DIP2C: variants seen among roughly 807,000 people sequenced by gnomAD.
DIP2C encodes disco-interacting protein 2 homolog C.
Under a neutral mutation model 192.4 loss-of-function variants are expected in DIP2C, and 33 were observed. The ratio of observed to expected loss-of-function variants is 0.17; its 90% CI spans 0.13 to 0.23. The LOEUF is 0.23. Ranked by LOEUF, DIP2C falls within the 10% of genes least tolerant of loss-of-function variation. DIP2C has a pLI of 1.00. For synonymous variants in DIP2C, 979 were observed against 864.1 expected (o/e 1.13, Z -2.33); for missense variants, 1,537 against 2,110.1 (o/e 0.73, Z 5.32).
chr10:420,684 G>A (rs974260229), intron 5 of DIP2C, among the ~76,000 whole-genome samples: 2 of 152,228 alleles, frequency 1.3e-5, no homozygotes, highest in African/African-American at 4.8e-5. Context: ...TAAGATACAT[G>A]TGAGATGTCC....
chr10:387,751 G>C lies in DIP2C; in HGVS notation c.1656C>G (p.Ile552Met). ...CCGGGGGGACCTCACTTACTGTCAG[G>C]ATGCCATGCCAGAGCCCGACGTCCT... is the stretch of plus-strand genomic sequence containing the variant. The part of the protein sequence containing the change: ...FKKDVGLWHG[I>M]LTSVMNMMHV... The change falls in exon 14 of 37, where the codon ATC (isoleucine) becomes ATG (methionine). Residue 552 changes from isoleucine to methionine, a missense_variant. Ile to Met is a conservative substitution (Grantham distance 10). Transcript: ENST00000280886. The C allele has an allele frequency of 6.2e-7, 1 of 1,614,196 alleles. No homozygotes were observed. The highest frequency in any genetic ancestry group is 1.1e-5 in the South Asian group (1 of 91,074).
chr10:394,201 A>G (rs1480429048), intron 10 of DIP2C, among the ~76,000 whole-genome samples: 3 of 152,280 alleles, frequency 2.0e-5, no homozygotes. Context: ...GAGCAGGCAG[A>G]GCCGGCACAC....
chr10:346,967 G>A (rs373557304), intron 26 of DIP2C, among the ~76,000 whole-genome samples: 8 of 50 alleles, frequency 0.16, 4 homozygotes, highest in Non-Finnish European at 1. Context: ...CACATCGCGC[G>A]TAGTTCTCCC....
chr10:573,689 C>T (rs931085970), intron 1 of DIP2C, among the ~76,000 whole-genome samples: 14 of 151,262 alleles, frequency 9.3e-5, no homozygotes, highest in African/African-American at 3.2e-4. Flanking sequence ...GGATTACAGG[C>T]ATGAGCCATC....
At chr10:377,139 CAG>C (rs1187800640) in intron 17 of DIP2C, among the ~76,000 whole-genome samples, 3 of 124,944 alleles carry the variant, frequency 2.4e-5, no homozygotes, top group Admixed American at 8.5e-5. Flanking sequence ...CTGTGCAGCG[CAG>C]TTTTTTTTTT....
At chr10:524,504 G>A (rs1030488673) in intron 1 of DIP2C, among the ~76,000 whole-genome samples, 31 of 152,024 alleles carry the variant, frequency 2.0e-4, no homozygotes, top group Non-Finnish European at 3.8e-4. Flanking sequence ...ACATATATAT[G>A]TGTATATGTG....
intron 1 of DIP2C, among the ~76,000 whole-genome samples, chr10:531,984 A>AC (rs1847400109): frequency 6.6e-6 from 1 of 152,244 alleles, no homozygotes; most frequent in Admixed American, 6.5e-5. Flanking sequence ...CAGGGTACCA[A>AC]CCGGCTCCAA....
intron 1 of DIP2C, among the ~76,000 whole-genome samples, chr10:577,902 G>A (rs182323964): frequency 1.4e-3 from 218 of 151,834 alleles, no homozygotes; most frequent in African/African-American, 4.7e-3. Flanking sequence ...ATTTCTCCAT[G>A]GTAGAACCTG....
rs555446328 is a variant in DIP2C at position 279,418 on chromosome 10, C to T, written c.4418+1782G>A. Among the ~76,000 whole-genome samples the T allele has an allele frequency of 1.6e-4, 24 of 152,278 alleles. No individual in the cohort carries two copies. In the South Asian group the frequency reaches 5.0e-3, roughly 32 times the overall value. ...GGCTCTCTGGAGGAACAGAGCTGGCCGAGGGTGTGCTTGCTCCACTATCTC... is the reference window on the plus strand; with the variant it reads ...GGCTCTCTGGAGGAACAGAGCTGGCTGAGGGTGTGCTTGCTCCACTATCTC... On this transcript the variant is annotated intron_variant, in intron 36 of 36. Transcript: ENST00000280886.
At chr10:441,626 C>G (rs192884675) in intron 3 of DIP2C, among the ~76,000 whole-genome samples, 1 of 152,214 alleles carries the variant, frequency 6.6e-6, no homozygotes, top group Non-Finnish European at 1.5e-5. Flanking sequence ...GCTTCTACCT[C>G]GTTTTCTCTT....
At chr10:442,641 C>T (rs1417320911) in intron 3 of DIP2C, among the ~76,000 whole-genome samples, 1 of 152,250 alleles carries the variant, frequency 6.6e-6, no homozygotes. Flanking sequence ...TCTTACACCA[C>T]TGCTCTCCCC....
At chr10:672,808 A>T (rs1437224800) in intron 1 of DIP2C, among the ~76,000 whole-genome samples, 1 of 152,234 alleles carries the variant, frequency 6.6e-6, no homozygotes, top group East Asian at 1.9e-4. Flanking sequence ...ATTTCTGATG[A>T]AACTAAACCC....
chr10:340,687 T>C (rs1230382869), intron 29 of DIP2C: 1 of 449,934 alleles, frequency 2.2e-6, no homozygotes, highest in Admixed American at 2.4e-5. Context: ...ATCCCATAAA[T>C]ACTTGCTGAG....
intron 13 of DIP2C, among the ~76,000 whole-genome samples, chr10:388,706 A>C (rs1280864659): frequency 6.6e-6 from 1 of 152,208 alleles, no homozygotes; most frequent in Non-Finnish European, 1.5e-5. Context: ...CGCTGTTTTT[A>C]AAAGGGAGAT....
chr10:380,431 A>G (rs12777038), intron 17 of DIP2C, among the ~76,000 whole-genome samples: 46 of 125,990 alleles, frequency 3.7e-4, no homozygotes, highest in Admixed American at 5.7e-4. Context: ...GATGTTTAAC[A>G]CGCAGAAGAG....
At chr10:672,192 CGGACGAAAGAAACACCACCGACGCAG>C (rs1830684956) in intron 1 of DIP2C, among the ~76,000 whole-genome samples, 1 of 151,584 alleles carries the variant, frequency 6.6e-6, no homozygotes, top group Non-Finnish European at 1.5e-5. Flanking sequence ...CACAGACACA[CGGACGAAAGAAACACCACCGACGCAG>C]GGACGGAAGA....
chr10:510,006 G>A (rs1473903844), intron 1 of DIP2C, among the ~76,000 whole-genome samples: 1 of 152,224 alleles, frequency 6.6e-6, no homozygotes, highest in African/African-American at 2.4e-5. Flanking sequence ...CAGGAACCAC[G>A]GGGTGCAGCG....
chr10:389,169 G>C (rs1273968573), intron 13 of DIP2C, among the ~76,000 whole-genome samples: 1 of 151,326 alleles, frequency 6.6e-6, no homozygotes, highest in African/African-American at 2.4e-5. Flanking sequence ...GGTCTCAAAG[G>C]GCCTCAGGGC....
chr10:306,970 A>G (rs1462125792), intron 32 of DIP2C, among the ~76,000 whole-genome samples: 1 of 152,190 alleles, frequency 6.6e-6, no homozygotes, highest in African/African-American at 2.4e-5. Flanking sequence ...CCGTCATGAT[A>G]GATGCAGGCC....
Sources: gnomAD v4.1 joint callset for allele counts (sites outside exome capture counted in the v4.1 genomes callset) on GRCh38, gnomAD v4.1.1 for gene constraint, MANE v1.5 for transcripts, NCBI Gene and HGNC (gene_info 2026-07-23, HGNC 2026-07-21) for gene names.